Variants in OSGIN2 observed in about 807,000 individuals in gnomAD.
OSGIN2 encodes oxidative stress induced growth inhibitor family member 2, also known as oxidative stress-induced growth inhibitor 2.
In OSGIN2, 19 loss-of-function variants were observed where a neutral mutation model predicts 53.8. The observed-to-expected ratio is 0.35, with a 90% CI of 0.25 to 0.52. OSGIN2 has a LOEUF of 0.52. OSGIN2 is among the 20% of genes least tolerant of loss of function. OSGIN2 has a pLI of 0.95. For synonymous variants in OSGIN2, 236 were observed against 236.0 expected (o/e 1.00, Z 0.00); for missense variants, 520 against 662.7 (o/e 0.78, Z 2.36).
intron 4 of OSGIN2, among the ~76,000 whole-genome samples, chr8:89,915,749 G>A (rs1032711463): frequency 9.2e-5 from 14 of 152,106 alleles, no homozygotes; most frequent in African/African-American, 1.4e-4. Flanking sequence ...TTGGCTGTTC[G>A]TGTATTAGTG....
intron 2 of OSGIN2, 79 bp from the exon 3 acceptor site, chr8:89,913,998 C>A: frequency 1.6e-6 from 2 of 1,245,480 alleles, no homozygotes; most frequent in Non-Finnish European, 2.3e-6. Flanking sequence ...AAAGAGCCAT[C>A]TTCAAAGTAG....
At position 89,911,581 on chromosome 8, in the gene OSGIN2, G is replaced by A. The variant is rs560763194; in HGVS notation, c.199+1860G>A. ...GGAGGTGGAGGTTGCAGTGAGCCGC[G>A]ATTGCGCCATTGTACTCCAGCTTGG... is the stretch of plus-strand genomic sequence containing the variant. On this transcript the variant is annotated intron_variant, in intron 2 of 5. Coordinates refer to ENST00000451899, the MANE Select transcript of OSGIN2 (RefSeq NM_001126111.3). Among the ~76,000 whole-genome samples, 13 of 149,904 alleles carry A rather than the reference G, an allele frequency of 8.7e-5. No homozygotes were observed. In the South Asian group the frequency reaches 1.7e-3, roughly 19 times the overall value.
intron 4 of OSGIN2, among the ~76,000 whole-genome samples, chr8:89,918,713 CTT>C: frequency 6.6e-6 from 1 of 152,188 alleles, no homozygotes; most frequent in Non-Finnish European, 1.5e-5. Context: ...AACTAACTAT[CTT>C]TATCATCAAG....
At chr8:89,906,279 A>G (rs1808837610) in intron 1 of OSGIN2, among the ~76,000 whole-genome samples, 1 of 152,234 alleles carries the variant, frequency 6.6e-6, no homozygotes, top group South Asian at 2.1e-4. Context: ...CATTGATGAT[A>G]GCTGATGAGC....
At chr8:89,914,027 A>G (rs1373706888) in intron 2 of OSGIN2, 50 bp from the exon 3 acceptor site, 2 of 1,527,636 alleles carry the variant, frequency 1.3e-6, no homozygotes, top group African/African-American at 1.4e-5. Flanking sequence ...CCAAGGAACA[A>G]GAGTATTAAG....
intron 1 of OSGIN2, among the ~76,000 whole-genome samples, chr8:89,907,139 C>T (rs1808855895): frequency 6.6e-6 from 1 of 152,146 alleles, no homozygotes. Flanking sequence ...ATTTAAGTTC[C>T]TCATAGATGC....
Position 89,909,043 on chromosome 8 carries a change from TATATATAC to T in OSGIN2, c.45-516_45-509del, listed in dbSNP as rs1432393402. On this transcript the variant is annotated intron_variant, in intron 1 of 5. Coordinates refer to ENST00000451899, the MANE Select transcript of OSGIN2 (RefSeq NM_001126111.3). ...AAAAAAAAAAAAAAAAAAAAATATA[TATATATAC>T]ATATATATATATATAATGTATATGT... Among the ~76,000 whole-genome samples, 757 of 100,798 alleles carry T rather than the reference TATATATAC, an allele frequency of 7.5e-3. 10 individuals are homozygous for T. Among genetic ancestry groups the T allele is most frequent in the African/African-American group, 0.032 (524 of 16,152 alleles). The allele number at this position is 100,798 out of a possible 152,430, so 66.1% of individuals were successfully genotyped here. A position where few individuals can be genotyped will look rare whatever the true frequency, so the allele number is the denominator to read the frequency against.
chr8:89,920,930 A>C, intron 4 of OSGIN2, 150 bp from the exon 5 acceptor site: 1 of 506,430 alleles, frequency 2.0e-6, no homozygotes, highest in Non-Finnish European at 3.5e-6. Flanking sequence ...TTTTGAGGTA[A>C]GTTAGCCAAC....
At position 89,925,545 on chromosome 8, in the gene OSGIN2, A is replaced by G; in HGVS notation, c.*13A>G. 6.3e-6 allele frequency: 10 copies of G among 1,598,718 alleles called. No individual in the cohort carries two copies. The highest frequency in any genetic ancestry group is 1.3e-5 in the African/African-American group (1 of 74,334). On this transcript the variant is annotated 3_prime_UTR_variant, in exon 6 of 6. Coordinates refer to ENST00000451899, the MANE Select transcript of OSGIN2 (RefSeq NM_001126111.3). Reference sequence around the variant, plus strand: ...TGGGATAGCTTAAAGCAAGTTTACAAGTAATTAAAATGGACAGTTTGCCAT... The same window carrying G: ...TGGGATAGCTTAAAGCAAGTTTACAGGTAATTAAAATGGACAGTTTGCCAT...
In OSGIN2 at chr8:89,902,719, C is replaced by T; in HGVS notation, c.-75C>T. ...CGCGACCCCGAGCCAGCGGGCGCCCCGAGCGGGCAGCCTCGCCGGGGGAGG... is the reference window on the plus strand; with the variant it reads ...CGCGACCCCGAGCCAGCGGGCGCCCTGAGCGGGCAGCCTCGCCGGGGGAGG... On this transcript the variant is annotated 5_prime_UTR_variant, in exon 1 of 6. Coordinates refer to ENST00000451899, the MANE Select transcript of OSGIN2 (RefSeq NM_001126111.3). 1 of 829,564 alleles carries T rather than the reference C, an allele frequency of 1.2e-6. No homozygotes were observed. The highest frequency in any genetic ancestry group is 1.5e-6 in the Non-Finnish European group (1 of 664,450). The allele number at this position is 829,564 out of a possible 1,614,324, so 51.4% of individuals were successfully genotyped here.
intron 4 of OSGIN2, 104 bp from the exon 5 acceptor site, chr8:89,920,976 C>CA: frequency 1.4e-6 from 1 of 692,128 alleles, no homozygotes; most frequent in South Asian, 2.0e-5. Flanking sequence ...TGTCCAGAGT[C>CA]ATAATTATTG....
intron 4 of OSGIN2, among the ~76,000 whole-genome samples, chr8:89,919,634 C>A (rs1281071193): frequency 6.6e-6 from 1 of 152,162 alleles, no homozygotes; most frequent in Non-Finnish European, 1.5e-5. Flanking sequence ...TGAAGACAGG[C>A]TTTTGTTGGT....
chr8:89,909,745 T>C, intron 2 of OSGIN2, 24 bp downstream of exon 2: 1 of 1,480,442 alleles, frequency 6.8e-7, no homozygotes, highest in Non-Finnish European at 9.3e-7. Context: ...TTTTATCTTT[T>C]AAAATTATAG....
At position 89,922,709 on chromosome 8, in the gene OSGIN2, A is replaced by T. The variant is rs764439511; in HGVS notation, c.620+1538A>T. Among the ~76,000 whole-genome samples, 3 of 152,202 alleles carry T rather than the reference A, an allele frequency of 2.0e-5. No homozygotes were observed. The East Asian group carries it at 5.8e-4, about 29-fold the overall frequency. On this transcript the variant is annotated intron_variant, in intron 5 of 5. Coordinates refer to ENST00000451899, the MANE Select transcript of OSGIN2 (RefSeq NM_001126111.3). The stretch of plus-strand genomic sequence containing the variant: ...TTTTCCATTCTGTAAAATGGAGATG[A>T]TAATACAGCCGTGTATTGCTTAATG...
rs1235441060 is a variant in OSGIN2 at position 89,927,114 on chromosome 8, T to C, written c.*1582T>C. 1 of 152,184 alleles carries C rather than the reference T, an allele frequency of 6.6e-6. No homozygotes were observed. The highest frequency in any genetic ancestry group is 2.4e-5 in the African/African-American group (1 of 41,454). 9.4% of individuals were successfully genotyped at this position (152,184 alleles called of 1,614,324 possible). On this transcript the variant is annotated 3_prime_UTR_variant, in exon 6 of 6. Transcript: ENST00000451899. ...TCTGACTGCACTTGCTTCAGTACTC[T>C]CTTGCCTGCCTGTTTTTGACCTCTG...
chr8:89,914,312 A>AAT (rs1260131748), intron 3 of OSGIN2, 99 bp downstream of exon 3: 1 of 791,938 alleles, frequency 1.3e-6, no homozygotes, highest in Non-Finnish European at 2.0e-6. Context: ...CCTTATTCTA[A>AAT]ATAACACCTT....
In OSGIN2 at chr8:89,921,189, T is replaced by C; in HGVS notation, c.620+18T>C. The C allele has an allele frequency of 7.1e-7, 1 of 1,399,274 alleles. No individual in the cohort carries two copies. The highest frequency in any genetic ancestry group is 9.9e-7 in the Non-Finnish European group (1 of 1,009,968). The allele number at this position is 1,399,274 out of a possible 1,614,324, so 86.7% of individuals were successfully genotyped here. On this transcript the variant is annotated intron_variant, in intron 5 of 5. Coordinates refer to ENST00000451899, the MANE Select transcript of OSGIN2 (RefSeq NM_001126111.3). Reference sequence around the variant, plus strand: ...AAACGAAGGTAAAGATTGAACTGTATTAAAATTCTTTGGTGTACGTTGAAA... The same window carrying C: ...AAACGAAGGTAAAGATTGAACTGTACTAAAATTCTTTGGTGTACGTTGAAA...
intron 1 of OSGIN2, among the ~76,000 whole-genome samples, chr8:89,907,329 A>G (rs1271029180): frequency 6.6e-6 from 1 of 151,058 alleles, no homozygotes; most frequent in Non-Finnish European, 1.5e-5. Flanking sequence ...TCCTCATCAA[A>G]CTCTGCTTGT....
chr8:89,915,403 C>T (rs1267180449), intron 4 of OSGIN2, among the ~76,000 whole-genome samples: 6 of 152,200 alleles, frequency 3.9e-5, no homozygotes, highest in African/African-American at 1.4e-4. Context: ...TCTAGCTCTA[C>T]TTACCTCCCA....
Sources: gnomAD v4.1 joint callset for allele counts (sites outside exome capture counted in the v4.1 genomes callset) on GRCh38, gnomAD v4.1.1 for gene constraint, MANE v1.5 for transcripts, NCBI Gene and HGNC (gene_info 2026-07-23, HGNC 2026-07-21) for gene names.